The following RAI14 variants were observed in gnomAD, a reference collection of about 807,000 sequenced individuals.
RAI14 encodes retinoic acid induced 14.
RAI14 carries 45 observed loss-of-function variants against 115.4 expected under a neutral mutation model. The ratio of observed to expected loss-of-function variants is 0.39; its 90% CI spans 0.31 to 0.50. The LOEUF (loss-of-function observed/expected upper bound fraction) is 0.50. RAI14 is among the 20% of genes least tolerant of loss of function. RAI14 has a pLI of 0.85. For synonymous variants in RAI14, 371 were observed against 415.4 expected (o/e 0.89, Z 1.30); for missense variants, 939 against 1,131.2 (o/e 0.83, Z 2.44).
chr5:34,762,794 A>G (rs1196660329), intron 3 of RAI14, among the ~76,000 whole-genome samples: 1 of 152,178 alleles, frequency 6.6e-6, no homozygotes, highest in African/African-American at 2.4e-5. Context: ...GGTTCCCTAC[A>G]TTTGGATGTG....
At chr5:34,669,576 C>A (rs187318741) in intron 1 of RAI14, among the ~76,000 whole-genome samples, 1 of 152,154 alleles carries the variant, frequency 6.6e-6, no homozygotes, top group Admixed American at 6.5e-5. Flanking sequence ...TGGCTGTGGG[C>A]GCTTTTGTGT....
At chr5:34,780,190 AT>A (rs1366011266) in intron 3 of RAI14, among the ~76,000 whole-genome samples, 1 of 152,214 alleles carries the variant, frequency 6.6e-6, no homozygotes, top group African/African-American at 2.4e-5. Context: ...CTGAAACTGG[AT>A]CCCATCCTTA....
chr5:34,705,710 C>T (rs990308234), intron 2 of RAI14, among the ~76,000 whole-genome samples: 1 of 152,104 alleles, frequency 6.6e-6, no homozygotes, highest in Non-Finnish European at 1.5e-5. Context: ...TGCAATGGTG[C>T]GATCTCAGCT....
rs1389176820 is a variant in RAI14 at position 34,791,915 on chromosome 5, C to T, written c.168-4024C>T. Among the ~76,000 whole-genome samples the T allele has an allele frequency of 6.6e-6, 1 of 152,198 alleles. No individual in the cohort carries two copies. Among genetic ancestry groups the T allele is most frequent in the Non-Finnish European group, 1.5e-5 (1 of 68,040 alleles). On this transcript the variant is annotated intron_variant, in intron 3 of 17. Transcript: ENST00000265109. This position sits in a 1 kb window ranked among gnomAD's most constrained non-coding sequence, Gnocchi z 5.4. The stretch of plus-strand genomic sequence containing the variant: ...GAGGAGATGATGCCCTGAACCCCAT[C>T]GTCATTCTCACTGGGCAAGCCCAAC...
intron 2 of RAI14, among the ~76,000 whole-genome samples, chr5:34,690,834 T>A (rs867392479): frequency 8.5e-5 from 13 of 152,116 alleles, no homozygotes; most frequent in South Asian, 8.3e-4. Flanking sequence ...TAAACTTGAG[T>A]TGTTAGATAG....
Position 34,769,246 on chromosome 5 carries a change from T to C in RAI14, c.167+11648T>C, listed in dbSNP as rs139510315. Reference sequence around the variant, plus strand: ...AACTTTCTGCTACATCAGTTCCTAATAGAAGCAGTGATCAGCTATTGCAGC... The same window carrying C: ...AACTTTCTGCTACATCAGTTCCTAACAGAAGCAGTGATCAGCTATTGCAGC... On this transcript the variant is annotated intron_variant, in intron 3 of 17. Transcript: ENST00000265109. 3.3e-5 allele frequency among the ~76,000 whole-genome samples: 5 copies of C among 152,278 alleles called. No homozygotes were observed. The East Asian group carries it at 7.7e-4, about 24-fold the overall frequency.
At chr5:34,744,653 C>CT (rs1427493532) in intron 2 of RAI14, among the ~76,000 whole-genome samples, 1 of 152,150 alleles carries the variant, frequency 6.6e-6, no homozygotes, top group Non-Finnish European at 1.5e-5. Context: ...GACTTTGTAA[C>CT]TTTAGGCAAG....
chr5:34,709,071 A>T (rs1272153401), intron 2 of RAI14, among the ~76,000 whole-genome samples: 1 of 150,744 alleles, frequency 6.6e-6, no homozygotes, highest in Non-Finnish European at 1.5e-5. Context: ...TTGAGGTTAC[A>T]GTAAGCTATG....
At chr5:34,688,312 T>C in intron 2 of RAI14, 1 of 1,423,904 alleles carries the variant, frequency 7.0e-7, no homozygotes, top group Non-Finnish European at 9.6e-7. Flanking sequence ...GTGACCAGGT[T>C]AACAAATGTC....
At chr5:34,814,531 G>A in intron 11 of RAI14, 52 bp from the exon 12 acceptor site, 2 of 1,345,414 alleles carry the variant, frequency 1.5e-6, no homozygotes, top group Non-Finnish European at 2.1e-6. Context: ...TGGAGAAGAG[G>A]AGTTTGAAGA....
At chr5:34,790,901 C>T (rs1752850590) in intron 3 of RAI14, among the ~76,000 whole-genome samples, 1 of 151,856 alleles carries the variant, frequency 6.6e-6, no homozygotes, top group African/African-American at 2.4e-5. Context: ...CCATTGTAGA[C>T]CACAATTCTA....
At position 34,665,031 on chromosome 5, in the gene RAI14, A is replaced by ATGTGTATATATATATG. The variant is rs371181547; in HGVS notation, c.-49+8559_-49+8560insGTATATATATATGTGT. Among the ~76,000 whole-genome samples, 94 of 31,438 alleles carry ATGTGTATATATATATG rather than the reference A, an allele frequency of 3.0e-3. 22 individuals are homozygous for ATGTGTATATATATATG. The highest frequency in any genetic ancestry group is 0.014 in the South Asian group (4 of 294). 20.6% of individuals were successfully genotyped at this position (31,438 alleles called of 152,430 possible). On this transcript the variant is annotated intron_variant, in intron 1 of 17. Coordinates refer to ENST00000265109, the MANE Select transcript of RAI14 (RefSeq NM_015577.3). ...TATATATATATATGTGTATATATAT[A>ATGTGTATATATATATG]TGTATATATATGTGTATATATATGT...
chr5:34,665,975 G>A (rs1743170829), intron 1 of RAI14, among the ~76,000 whole-genome samples: 1 of 152,114 alleles, frequency 6.6e-6, no homozygotes, highest in African/African-American at 2.4e-5. Flanking sequence ...TATTTCTATT[G>A]GATGTAATAA....
At chr5:34,720,479 C>A (rs891531554) in intron 2 of RAI14, among the ~76,000 whole-genome samples, 2 of 139,918 alleles carry the variant, frequency 1.4e-5, no homozygotes, top group African/African-American at 5.4e-5. Context: ...GGCGCAATCT[C>A]GGCTCACTGG....
chr5:34,819,862 C>A (rs1387386643), intron 13 of RAI14, among the ~76,000 whole-genome samples: 1 of 152,154 alleles, frequency 6.6e-6, no homozygotes, highest in Admixed American at 6.5e-5. Context: ...CTTGGCCCCC[C>A]ATAGTGCTGG....
At chr5:34,748,057 G>A (rs1380389460) in intron 2 of RAI14, among the ~76,000 whole-genome samples, 2 of 152,234 alleles carry the variant, frequency 1.3e-5, no homozygotes, top group African/African-American at 4.8e-5. Flanking sequence ...GCAATGAGGA[G>A]GAGGAGCTTG....
intron 3 of RAI14, among the ~76,000 whole-genome samples, chr5:34,783,579 G>T (rs1239462272): frequency 6.6e-6 from 1 of 152,142 alleles, no homozygotes; most frequent in African/African-American, 2.4e-5. Flanking sequence ...TGTAGATGCT[G>T]TTCAGCTGCT....
At chr5:34,770,348 G>A (rs1749994584) in intron 3 of RAI14, among the ~76,000 whole-genome samples, 1 of 152,102 alleles carries the variant, frequency 6.6e-6, no homozygotes, top group South Asian at 2.1e-4. Context: ...CTTGACGTGA[G>A]AAAACTCAAA....
At chr5:34,750,864 T>TTTTTC (rs1419921707) in intron 2 of RAI14, among the ~76,000 whole-genome samples, 1 of 146,626 alleles carries the variant, frequency 6.8e-6, no homozygotes, top group Non-Finnish European at 1.5e-5. Flanking sequence ...TTTTTTTTTT[T>TTTTTC]TTTTTGAGGT....
Sources: gnomAD v4.1 joint callset for allele counts (sites outside exome capture counted in the v4.1 genomes callset) on GRCh38, gnomAD v4.1.1 for gene constraint, Gnocchi (gnomAD v3.1) non-coding constraint, MANE v1.5 for transcripts, NCBI Gene and HGNC (gene_info 2026-07-23, HGNC 2026-07-21) for gene names.